MAN1A2: variants seen among roughly 807,000 people sequenced by gnomAD.
The protein encoded by MAN1A2 is mannosidase alpha class 1A member 2.
In MAN1A2, 26 loss-of-function variants were observed where a neutral mutation model predicts 75.7. That is an observed-to-expected ratio of 0.34 (90% confidence interval 0.25 to 0.48). The LOEUF is 0.48. MAN1A2 is among the 20% of genes least tolerant of loss of function. The pLI is 0.99. For missense variants in MAN1A2, 562 were observed against 775.5 expected (o/e 0.72, Z 3.27); for synonymous variants, 247 against 264.6 (o/e 0.93, Z 0.65).
intron 5 of MAN1A2, among the ~76,000 whole-genome samples, chr1:117,429,543 A>C (rs1174426889): frequency 3.5e-5 from 2 of 57,386 alleles, no homozygotes; most frequent in Admixed American, 1.7e-4. Context: ...CGACCCCCCC[A>C]CCTCCCTCCC....
intron 3 of MAN1A2, among the ~76,000 whole-genome samples, chr1:117,409,571 CAGTT>C (rs1442073433): frequency 6.6e-6 from 1 of 151,968 alleles, no homozygotes; most frequent in Non-Finnish European, 1.5e-5. Flanking sequence ...CTATTGATGT[CAGTT>C]AGATCCCATT....
chr1:117,368,438 A>C lies in MAN1A2; in HGVS notation c.255A>C (p.Lys85Asn). 6.2e-7 allele frequency: 1 copy of C among 1,613,928 alleles called. No individual in the cohort carries two copies. Among genetic ancestry groups the C allele is most frequent in the Non-Finnish European group, 8.5e-7 (1 of 1,179,978 alleles). The change falls in exon 1 of 13, where the codon AAA becomes AAC. Residue 85 changes from lysine (K) to asparagine (N), a missense_variant. Physicochemically the swap from Lys to Asn is moderately conservative, Grantham distance 94 (BLOSUM62 0). This residue lies in a region of MAN1A2 where 128 missense variants were observed against 129.8 expected (regional missense o/e 0.99). Transcript: ENST00000356554. ...ATGTAGATGCCGGTAAAGGGGCTAA[A>C]AACCCCGGAGTCTTCCTGATCCATG... is the stretch of plus-strand genomic sequence containing the variant. ...IPHVDAGKGA[K>N]NPGVFLIHGP...
intron 6 of MAN1A2, among the ~76,000 whole-genome samples, chr1:117,444,532 G>T (rs533442508): frequency 2.0e-5 from 3 of 151,964 alleles, no homozygotes; most frequent in African/African-American, 7.2e-5. Flanking sequence ...CCAACAATAT[G>T]TGAGAGTCTC....
rs1325948636 is a variant in MAN1A2 at position 117,497,094 on chromosome 1, C to T, written c.1504+112C>T. On this transcript the variant is annotated intron_variant, in intron 10 of 12. Transcript: ENST00000356554. ...GCACTTTTTACTTCCAAATAGTTTA[C>T]ACCAACAAGGCAAATCATTTTCTTA... The T allele has an allele frequency of 2.6e-5, 19 of 724,972 alleles. No individual in the cohort carries two copies. In the South Asian group the frequency reaches 2.7e-4, roughly 10 times the overall value. 44.9% of individuals were successfully genotyped at this position (724,972 alleles called of 1,614,324 possible). A position where few individuals can be genotyped will look rare whatever the true frequency, so the allele number is the denominator to read the frequency against.
In MAN1A2 at chr1:117,493,215, G is replaced by A; in HGVS notation, c.1237G>A (p.Asp413Asn). The change falls in exon 9 of 13, where the codon GAT (aspartate) becomes AAT (asparagine). Residue 413 changes from aspartate to asparagine, a missense_variant. Physicochemically the swap from Asp to Asn is conservative, Grantham distance 23. Transcript: ENST00000356554. ...CTTACTGAAAGCATGGTTGATGTCA[G>A]ATAAAACAGACCATGAGGCAAGAAA... ...EYLLKAWLMS[D>N]KTDHEARKMY... The A allele has an allele frequency of 6.2e-7, 1 of 1,612,370 alleles. No homozygotes were observed. Among genetic ancestry groups the A allele is most frequent in the Non-Finnish European group, 8.5e-7 (1 of 1,179,008 alleles).
chr1:117,386,063 G>A (rs1320238073), intron 1 of MAN1A2, among the ~76,000 whole-genome samples: 2 of 152,178 alleles, frequency 1.3e-5, no homozygotes, highest in Admixed American at 6.5e-5. Context: ...TAGATGTTAG[G>A]AAGATTAAGT....
rs1043604758 is a variant in MAN1A2 at position 117,523,139 on chromosome 1, C to T, written c.*182C>T. ...AACTTTGAAATTATTCCATTTTATACCTGACCAAAACATGTTCTGATATGT... is the reference window on the plus strand; with the variant it reads ...AACTTTGAAATTATTCCATTTTATATCTGACCAAAACATGTTCTGATATGT... On this transcript the variant is annotated 3_prime_UTR_variant, in exon 13 of 13. Coordinates refer to ENST00000356554, the MANE Select transcript of MAN1A2 (RefSeq NM_006699.5). The T allele has an allele frequency of 5.6e-6, 4 of 717,106 alleles. No individual in the cohort carries two copies. The highest frequency in any genetic ancestry group is 1.0e-5 in the Non-Finnish European group (4 of 396,410). 44.4% of individuals were successfully genotyped at this position (717,106 alleles called of 1,614,324 possible).
intron 1 of MAN1A2, among the ~76,000 whole-genome samples, chr1:117,385,356 T>C (rs569599893): frequency 6.5e-4 from 99 of 152,264 alleles, no homozygotes; most frequent in African/African-American, 2.4e-3. Context: ...TATAGGTGAG[T>C]TCCTTGCTAA....
chr1:117,383,242 A>G (rs913656694), intron 1 of MAN1A2, among the ~76,000 whole-genome samples: 2 of 149,182 alleles, frequency 1.3e-5, no homozygotes, highest in African/African-American at 4.9e-5. Context: ...CTTTCACTCT[A>G]TTAATGTGAT....
rs556877863 is a variant in MAN1A2, at chr1:117,514,686, G to A, written c.1794-8139G>A. Among the ~76,000 whole-genome samples, 93 of 152,232 alleles carry A rather than the reference G, an allele frequency of 6.1e-4. 1 individual carries two copies. Among genetic ancestry groups the A allele is most frequent in the African/African-American group, 2.2e-3 (90 of 41,548 alleles). ...ATAGTAGTATGACTTTTAAATTTCT[G>A]AGCACAAGTGACTAAGTAATATATT... On this transcript the variant is annotated intron_variant, in intron 12 of 12. Transcript: ENST00000356554.
At chr1:117,382,193 C>T (rs1224722743) in intron 1 of MAN1A2, among the ~76,000 whole-genome samples, 3 of 152,134 alleles carry the variant, frequency 2.0e-5, no homozygotes, top group Admixed American at 6.6e-5. Flanking sequence ...TTAATGAGAT[C>T]CCATTTGTCA....
chr1:117,465,010 C>A (rs1649938614), intron 7 of MAN1A2, among the ~76,000 whole-genome samples: 1 of 152,016 alleles, frequency 6.6e-6, no homozygotes, highest in Admixed American at 6.6e-5. Context: ...CAAATATCAC[C>A]ATGAGAGAAA....
intron 1 of MAN1A2, among the ~76,000 whole-genome samples, chr1:117,369,447 C>G (rs1417106135): frequency 6.6e-6 from 1 of 152,176 alleles, no homozygotes; most frequent in East Asian, 1.9e-4. Context: ...TGCTTGAATT[C>G]ATTTCCCATC....
intron 5 of MAN1A2, among the ~76,000 whole-genome samples, chr1:117,436,435 T>C (rs1648852233): frequency 6.6e-6 from 1 of 152,158 alleles, no homozygotes; most frequent in Non-Finnish European, 1.5e-5. Context: ...TCTACAAGTA[T>C]TGGAAAAACT....
chr1:117,512,007 A>G (rs1301191292), intron 12 of MAN1A2, among the ~76,000 whole-genome samples: 1 of 152,138 alleles, frequency 6.6e-6, no homozygotes, highest in African/African-American at 2.4e-5. Context: ...AGACAGCTAA[A>G]AAACCCCAGC....
intron 3 of MAN1A2, among the ~76,000 whole-genome samples, chr1:117,408,472 G>GGTGT (rs75129243): frequency 1.5e-4 from 22 of 151,000 alleles, no homozygotes; most frequent in African/African-American, 3.2e-4. Context: ...TTATTTTCCA[G>GGTGT]GTGTGTGTGT....
rs372894198 is a variant in MAN1A2 at position 117,471,614 on chromosome 1, G to A, written c.1168+5187G>A. 9.9e-5 allele frequency among the ~76,000 whole-genome samples: 15 copies of A among 151,596 alleles called. No individual in the cohort carries two copies. The South Asian group carries it at 2.7e-3, about 27-fold the overall frequency. On this transcript the variant is annotated intron_variant, in intron 8 of 12. Transcript: ENST00000356554. ...CTTTTGCTTTAATGTAATTTCAGATGTTCTGTAAAGCAAGATGGACAGAAT... is the reference window on the plus strand; with the variant it reads ...CTTTTGCTTTAATGTAATTTCAGATATTCTGTAAAGCAAGATGGACAGAAT...
At chr1:117,432,819 C>T (rs1014125170) in intron 5 of MAN1A2, among the ~76,000 whole-genome samples, 1 of 151,026 alleles carries the variant, frequency 6.6e-6, no homozygotes, top group Non-Finnish European at 1.5e-5. Flanking sequence ...TTTTTAAATA[C>T]ATTAGCAAGA....
chr1:117,506,043 A>G (rs1376514004), intron 12 of MAN1A2, among the ~76,000 whole-genome samples: 5 of 151,610 alleles, frequency 3.3e-5, no homozygotes, highest in African/African-American at 1.2e-4. Flanking sequence ...ACAATTGAAT[A>G]AAGTCATTTC....
Sources: gnomAD v4.1 joint callset for allele counts (sites outside exome capture counted in the v4.1 genomes callset) on GRCh38, gnomAD v4.1.1 for gene constraint, gnomAD v4.1.1 regional missense constraint, MANE v1.5 for transcripts, NCBI Gene and HGNC (gene_info 2026-07-23, HGNC 2026-07-21) for gene names.